The following SAMD12 variants were observed in gnomAD, a reference collection of about 807,000 sequenced individuals.
The protein encoded by SAMD12 is sterile alpha motif domain-containing protein 12.
Under a neutral mutation model 15.0 loss-of-function variants are expected in SAMD12, and 9 were observed. That is an observed-to-expected ratio of 0.60 (90% CI 0.36 to 1.05). The LOEUF (loss-of-function observed/expected upper bound fraction) is 1.05, where lower values mean the gene tolerates loss of function less well. Among genes scored for constraint, SAMD12 ranks in the 50% least tolerant of loss-of-function variants. SAMD12 has a pLI of 0.01. For synonymous variants in SAMD12, 86 were observed against 90.1 expected, an observed-to-expected ratio of 0.96 and a Z score of 0.25; for missense variants, 230 against 234.2, an observed-to-expected ratio of 0.98 and a Z score of 0.12.
chr8:118,581,429 T>G (rs1827294090), intron 1 of SAMD12, among the ~76,000 whole-genome samples: 1 of 152,182 alleles, frequency 6.6e-6, no homozygotes, highest in Non-Finnish European at 1.5e-5. Flanking sequence ...AGATGTTACC[T>G]TCAAAGAACT....
the SAMD12 span, among the ~76,000 whole-genome samples, chr8:118,181,464 C>A: frequency 6.6e-6 from 1 of 152,300 alleles, no homozygotes; most frequent in East Asian, 1.9e-4. Flanking sequence ...AACAGGGCAG[C>A]CAATTAGAGA....
intron 2 of SAMD12, among the ~76,000 whole-genome samples, chr8:118,450,809 G>C (rs1823057747): frequency 6.6e-6 from 1 of 152,136 alleles, no homozygotes; most frequent in African/African-American, 2.4e-5. Context: ...CAGAGGTGGT[G>C]ATGGGCCAGG....
chr8:118,456,883 T>A (rs1056591405), intron 2 of SAMD12, among the ~76,000 whole-genome samples: 2 of 152,214 alleles, frequency 1.3e-5, no homozygotes, highest in African/African-American at 2.4e-5. Context: ...TTGTATGACA[T>A]CACACACTCA....
At chr8:118,217,036 G>A (rs759983241) in intron 4 of SAMD12, among the ~76,000 whole-genome samples, 11 of 151,926 alleles carry the variant, frequency 7.2e-5, no homozygotes, top group Non-Finnish European at 1.0e-4. Flanking sequence ...ACGGAGTCTC[G>A]CTCTGTCACC....
intron 4 of SAMD12, among the ~76,000 whole-genome samples, chr8:118,207,412 C>T (rs1586342890): frequency 6.6e-6 from 1 of 152,012 alleles, no homozygotes; most frequent in Non-Finnish European, 1.5e-5. Flanking sequence ...GCAAGTATCT[C>T]AAGCCATTAC....
chr8:118,599,222 C>T (rs1444669259), intron 1 of SAMD12, among the ~76,000 whole-genome samples: 2 of 152,150 alleles, frequency 1.3e-5, no homozygotes, highest in African/African-American at 2.4e-5. Flanking sequence ...GCACATCTTG[C>T]AGCAGAGATG....
At chr8:118,312,148 T>A (rs1314270101) in intron 4 of SAMD12, among the ~76,000 whole-genome samples, 1 of 151,370 alleles carries the variant, frequency 6.6e-6, no homozygotes, top group African/African-American at 2.4e-5. Context: ...ATTATTTTAA[T>A]CACCATGTAG....
chr8:118,231,889 C>A (rs971079970), intron 4 of SAMD12, among the ~76,000 whole-genome samples: 7 of 151,242 alleles, frequency 4.6e-5, no homozygotes, highest in Non-Finnish European at 1.0e-4. Flanking sequence ...ACTTCTAGTA[C>A]TGGTCTAAAA....
chr8:118,529,702 T>C (rs1825632839), intron 2 of SAMD12, among the ~76,000 whole-genome samples: 1 of 152,196 alleles, frequency 6.6e-6, no homozygotes, highest in South Asian at 2.1e-4. Context: ...GTTCCATTCA[T>C]CTTGCTGCAA....
At chr8:118,164,641 G>A in the SAMD12 span, among the ~76,000 whole-genome samples, 2 of 151,982 alleles carry the variant, frequency 1.3e-5, no homozygotes, top group African/African-American at 4.8e-5. Flanking sequence ...GGGCTTTGAT[G>A]GAGACTGACC....
chr8:118,612,656 G>A (rs1420971033), intron 1 of SAMD12, among the ~76,000 whole-genome samples: 1 of 152,164 alleles, frequency 6.6e-6, no homozygotes, highest in African/African-American at 2.4e-5. Context: ...AAACCGCTCA[G>A]CAGTTTCTAA....
intron 4 of SAMD12, among the ~76,000 whole-genome samples, chr8:118,273,991 T>C (rs1354812941): frequency 6.6e-6 from 1 of 152,238 alleles, no homozygotes; most frequent in Non-Finnish European, 1.5e-5. Context: ...AGGTATTGCA[T>C]TTCTTAATCA....
rs115388274 is a variant in SAMD12 at position 118,248,524 on chromosome 8, G to T, written c.434-50792C>A. On this transcript the variant is annotated intron_variant, in intron 4 of 4. Transcript: ENST00000409003. The stretch of plus-strand genomic sequence containing the variant: ...GATTGATGTCTGATGTCTGCCATGG[G>T]CACAGAAAGGATCTTATGGCAATCA... Among the ~76,000 whole-genome samples the T allele has an allele frequency of 4.3e-3, 650 of 152,134 alleles. 2 individuals carry two copies. The highest frequency in any genetic ancestry group is 0.015 in the African/African-American group (613 of 41,498).
intron 2 of SAMD12, among the ~76,000 whole-genome samples, chr8:118,440,852 A>G (rs1160630444): frequency 6.6e-6 from 1 of 152,036 alleles, no homozygotes; most frequent in Admixed American, 6.6e-5. Context: ...AGATCCCAGG[A>G]ATTTGGTTTT....
At chr8:118,567,410 T>C (rs1319257298) in intron 2 of SAMD12, among the ~76,000 whole-genome samples, 1 of 152,200 alleles carries the variant, frequency 6.6e-6, no homozygotes, top group Non-Finnish European at 1.5e-5. Flanking sequence ...GATGTTACTC[T>C]CACCCAGGCA....
intron 4 of SAMD12, among the ~76,000 whole-genome samples, chr8:118,315,331 A>G (rs1259576368): frequency 1.3e-5 from 2 of 152,206 alleles, no homozygotes; most frequent in Non-Finnish European, 2.9e-5. Flanking sequence ...ACATATCAAA[A>G]TATCAGGTCA....
At chr8:118,395,617 A>G (rs1233431314) in intron 3 of SAMD12, among the ~76,000 whole-genome samples, 1 of 152,188 alleles carries the variant, frequency 6.6e-6, no homozygotes, top group East Asian at 1.9e-4. Flanking sequence ...GTGGGTACCA[A>G]TAAGTACATA....
chr8:118,379,849 A>T, intron 3 of SAMD12, 149 bp from the exon 4 acceptor site: 1 of 998,230 alleles, frequency 1.0e-6, no homozygotes, highest in Non-Finnish European at 1.4e-6. Flanking sequence ...ATTATTGCTG[A>T]CACAAATGGA....
At chr8:118,572,651 T>G (rs1827046377) in intron 2 of SAMD12, among the ~76,000 whole-genome samples, 1 of 152,178 alleles carries the variant, frequency 6.6e-6, no homozygotes. Context: ...CTGCCAAACA[T>G]GTAAGACATG....
Sources: gnomAD v4.1 joint callset for allele counts (sites outside exome capture counted in the v4.1 genomes callset) on GRCh38, gnomAD v4.1.1 for gene constraint, MANE v1.5 for transcripts, NCBI Gene and HGNC (gene_info 2026-07-23, HGNC 2026-07-21) for gene names.